Variants in UBE2E2 observed in about 807,000 individuals in gnomAD.
The protein encoded by UBE2E2 is ubiquitin conjugating enzyme E2 E2.
Under a neutral mutation model 24.7 loss-of-function variants are expected in UBE2E2, and 6 were observed. That is an observed-to-expected ratio of 0.24 (90% CI 0.13 to 0.48). The LOEUF is 0.48. Ranked by LOEUF, UBE2E2 falls within the 20% of genes least tolerant of loss-of-function variation. The pLI is 0.99. For synonymous variants in UBE2E2, 104 were observed against 83.6 expected (o/e 1.24, Z -1.33); for missense variants, 169 against 245.0 (o/e 0.69, Z 2.07).
intron 5 of UBE2E2, among the ~76,000 whole-genome samples, chr3:23,571,453 C>T (rs548204846): frequency 1.3e-5 from 2 of 151,482 alleles, no homozygotes; most frequent in South Asian, 2.1e-4. Context: ...CCACGCCTGG[C>T]TAATTTTTGT....
chr3:23,367,320 G>C (rs1696284184), intron 3 of UBE2E2, among the ~76,000 whole-genome samples: 1 of 152,122 alleles, frequency 6.6e-6, no homozygotes, highest in Non-Finnish European at 1.5e-5. Flanking sequence ...ATGGCTGGCA[G>C]CATCTAGGTA....
At chr3:23,472,131 A>C (rs927456100) in intron 3 of UBE2E2, among the ~76,000 whole-genome samples, 1 of 152,182 alleles carries the variant, frequency 6.6e-6, no homozygotes, top group Non-Finnish European at 1.5e-5. Context: ...GACAAATCCA[A>C]ATTAGAAAAG....
intron 3 of UBE2E2, among the ~76,000 whole-genome samples, chr3:23,360,169 A>G (rs545762477): frequency 6.6e-6 from 1 of 152,344 alleles, no homozygotes; most frequent in South Asian, 2.1e-4. Flanking sequence ...AGACATCATT[A>G]TTATAGCAGA....
intron 3 of UBE2E2, among the ~76,000 whole-genome samples, chr3:23,443,753 G>C (rs1055251563): frequency 1.3e-5 from 2 of 152,150 alleles, no homozygotes; most frequent in East Asian, 1.9e-4. Context: ...ATGCATAAAA[G>C]ATGCCCAGTA....
At chr3:23,222,879 C>T (rs146924902) in intron 3 of UBE2E2, among the ~76,000 whole-genome samples, 113 of 152,240 alleles carry the variant, frequency 7.4e-4, no homozygotes, top group Admixed American at 2.3e-3. Flanking sequence ...TGCCAGCATC[C>T]GCTATTGCCG....
At chr3:23,299,777 A>T (rs1236303407) in intron 3 of UBE2E2, among the ~76,000 whole-genome samples, 1 of 151,970 alleles carries the variant, frequency 6.6e-6, no homozygotes, top group Non-Finnish European at 1.5e-5. Context: ...TGGGGTGGAG[A>T]GTTCTGTAGA....
intron 3 of UBE2E2, among the ~76,000 whole-genome samples, chr3:23,447,272 T>A (rs1353102919): frequency 6.6e-6 from 1 of 152,178 alleles, no homozygotes; most frequent in African/African-American, 2.4e-5. Flanking sequence ...AATAACTATT[T>A]GAGGAATGAA....
At chr3:23,470,672 A>G (rs973705390) in intron 3 of UBE2E2, among the ~76,000 whole-genome samples, 1 of 152,232 alleles carries the variant, frequency 6.6e-6, no homozygotes, top group African/African-American at 2.4e-5. Flanking sequence ...TTGATGCCAC[A>G]GTTGATCTTC....
chr3:23,583,403 G>T lies in UBE2E2; in HGVS notation c.509-6331G>T, dbSNP rs559540747. Among the ~76,000 whole-genome samples, 12 of 152,096 alleles carry T rather than the reference G, an allele frequency of 7.9e-5. No homozygotes were observed. The highest frequency in any genetic ancestry group is 2.9e-4 in the African/African-American group (12 of 41,414). On this transcript the variant is annotated intron_variant, in intron 5 of 5. Transcript: ENST00000396703. The surrounding 1 kb of genome is among the most constrained non-coding windows in gnomAD (Gnocchi z 4.1). ...GTTCTTTTTGCTTAGCATTGCTTTGGCTATTCAGGCCCTTTTTTGGTTCCA... is the reference window on the plus strand; with the variant it reads ...GTTCTTTTTGCTTAGCATTGCTTTGTCTATTCAGGCCCTTTTTTGGTTCCA...
At chr3:23,460,096 A>G (rs796137355) in intron 3 of UBE2E2, among the ~76,000 whole-genome samples, 3 of 152,344 alleles carry the variant, frequency 2.0e-5, no homozygotes, top group African/African-American at 7.2e-5. Context: ...CAGCAGCAAC[A>G]CAGTAGATGA....
intron 3 of UBE2E2, among the ~76,000 whole-genome samples, chr3:23,495,264 A>G (rs751890519): frequency 2.0e-5 from 3 of 152,200 alleles, no homozygotes; most frequent in Non-Finnish European, 2.9e-5. Flanking sequence ...CTGAGAGCCA[A>G]ATAAAACTTG....
intron 3 of UBE2E2, among the ~76,000 whole-genome samples, chr3:23,262,711 T>C (rs1166704058): frequency 1.3e-5 from 2 of 152,308 alleles, no homozygotes; most frequent in East Asian, 3.9e-4. Flanking sequence ...ATTCCATAGA[T>C]TGTCTTTTCA....
At chr3:23,323,172 C>G (rs866251996) in intron 3 of UBE2E2, among the ~76,000 whole-genome samples, 3 of 152,008 alleles carry the variant, frequency 2.0e-5, no homozygotes, top group Non-Finnish European at 2.9e-5. Flanking sequence ...ATATTTGATC[C>G]TCACAACCAC....
chr3:23,475,629 G>C (rs1415535428), intron 3 of UBE2E2, among the ~76,000 whole-genome samples: 1 of 152,032 alleles, frequency 6.6e-6, no homozygotes, highest in African/African-American at 2.4e-5. Context: ...TAAGGATAAG[G>C]CTCGCAAATC....
At chr3:23,323,332 G>A (rs1694795186) in intron 3 of UBE2E2, among the ~76,000 whole-genome samples, 1 of 151,996 alleles carries the variant, frequency 6.6e-6, no homozygotes, top group Non-Finnish European at 1.5e-5. Flanking sequence ...GTTAGTCATG[G>A]TAGTACTTAC....
intron 4 of UBE2E2, among the ~76,000 whole-genome samples, chr3:23,523,313 T>TG (rs1295870505): frequency 6.6e-6 from 1 of 152,176 alleles, no homozygotes; most frequent in African/African-American, 2.4e-5. Flanking sequence ...TTCTAAGAGA[T>TG]TTGCTTCCCG....
intron 3 of UBE2E2, among the ~76,000 whole-genome samples, chr3:23,310,300 CTTTTTT>C: frequency 6.9e-6 from 1 of 144,098 alleles, no homozygotes; most frequent in East Asian, 2.0e-4. Context: ...AAAGGCATGC[CTTTTTT>C]TTTTTTTTAC....
At chr3:23,499,037 A>G (rs1455087877) in intron 3 of UBE2E2, among the ~76,000 whole-genome samples, 3 of 152,248 alleles carry the variant, frequency 2.0e-5, no homozygotes, top group Non-Finnish European at 4.4e-5. Context: ...GAGGGTAGAA[A>G]GAAGCATTAG....
At chr3:23,285,000 A>G (rs2125374379) in intron 3 of UBE2E2, among the ~76,000 whole-genome samples, 1 of 149,660 alleles carries the variant, frequency 6.7e-6, no homozygotes, top group South Asian at 2.1e-4. Flanking sequence ...CCTGTTAACC[A>G]TCTCCACTCC....
Sources: allele counts gnomAD v4.1 joint callset (sites outside exome capture counted in the v4.1 genomes callset), GRCh38; gene constraint gnomAD v4.1.1; non-coding constraint Gnocchi (gnomAD v3.1); transcripts MANE v1.5; gene names NCBI Gene and HGNC (gene_info 2026-07-23, HGNC 2026-07-21).